The following ERCC1 variants were observed in gnomAD, a reference collection of about 807,000 sequenced individuals.
ERCC1 encodes DNA excision repair protein ERCC-1.
ERCC1 carries 36 observed loss-of-function variants against 37.6 expected under a neutral mutation model. That is an observed-to-expected ratio of 0.96 (90% CI 0.73 to 1.26). The LOEUF (loss-of-function observed/expected upper bound fraction) is 1.26. Among genes scored for constraint, ERCC1 ranks in the 50% most tolerant of loss-of-function variants. The probability of loss-of-function intolerance (pLI) is 0.00; values close to 1 mark genes in which losing one functional copy is unlikely to be tolerated. For missense variants in ERCC1, 349 were observed against 376.5 expected, an observed-to-expected ratio of 0.93 and a Z score of 0.60; for synonymous variants, 156 against 162.1, an observed-to-expected ratio of 0.96 and a Z score of 0.28.
chr19:45,415,432 C>T (rs1489964370), intron 6 of ERCC1, among the ~76,000 whole-genome samples: 1 of 150,416 alleles, frequency 6.6e-6, no homozygotes, highest in South Asian at 2.1e-4. Flanking sequence ...GTCAGGAGAT[C>T]GAGACCATCC....
At chr19:45,414,208 G>A (rs950484635) in intron 7 of ERCC1, 174 bp from the exon 8 acceptor site, 4 of 659,902 alleles carry the variant, frequency 6.1e-6, no homozygotes, top group Non-Finnish European at 1.1e-5. Flanking sequence ...GGGCGTGGTG[G>A]CTCATGCCTA....
chr19:45,446,597 G>A (rs149042135), intron 1 of ERCC1, among the ~76,000 whole-genome samples: 5 of 152,114 alleles, frequency 3.3e-5, no homozygotes, highest in East Asian at 1.9e-4. Flanking sequence ...CCACACACCC[G>A]AACATAACAC....
At chr19:45,412,319 CAACT>C (rs1217845497) in intron 9 of ERCC1, among the ~76,000 whole-genome samples, 3 of 151,824 alleles carry the variant, frequency 2.0e-5, no homozygotes, top group Non-Finnish European at 4.4e-5. Context: ...CCACCACACC[CAACT>C]AATTTTTATA....
intron 1 of ERCC1, among the ~76,000 whole-genome samples, chr19:45,448,966 T>C (rs1263978483): frequency 6.6e-6 from 1 of 152,142 alleles, no homozygotes; most frequent in African/African-American, 2.4e-5. Context: ...TAAATACGTT[T>C]ATATAACCTG....
chr19:45,417,730 C>T (rs765344657), intron 5 of ERCC1, among the ~76,000 whole-genome samples: 2 of 152,136 alleles, frequency 1.3e-5, no homozygotes, highest in Non-Finnish European at 2.9e-5. Flanking sequence ...GACGGAGTCT[C>T]GCTCTGTTGC....
intron 4 of ERCC1, among the ~76,000 whole-genome samples, chr19:45,419,692 C>A (rs984438881): frequency 6.6e-6 from 1 of 152,180 alleles, no homozygotes; most frequent in Non-Finnish European, 1.5e-5. Context: ...CTGTCTGGCC[C>A]TGTCTGCAGA....
intron 1 of ERCC1, among the ~76,000 whole-genome samples, chr19:45,438,297 G>A (rs1000883614): frequency 5.3e-5 from 8 of 151,980 alleles, no homozygotes; most frequent in African/African-American, 1.5e-4. Flanking sequence ...CCAACTCCTG[G>A]GCTCAAGCCA....
chr19:45,441,750 T>C (rs1446037111), intron 1 of ERCC1, among the ~76,000 whole-genome samples: 1 of 151,174 alleles, frequency 6.6e-6, no homozygotes, highest in East Asian at 2.0e-4. Flanking sequence ...GGATCTCGGC[T>C]CACTGCAACC....
At chr19:45,430,891 A>G (rs1262647076) in intron 1 of ERCC1, among the ~76,000 whole-genome samples, 1 of 151,964 alleles carries the variant, frequency 6.6e-6, no homozygotes, top group Non-Finnish European at 1.5e-5. Context: ...TGGGCAACAG[A>G]GCAAGACCTC....
chr19:45,421,321 A>C lies in ERCC1; in HGVS notation c.178T>G (p.Tyr60Asp). 1 of 1,614,072 alleles carries C rather than the reference A, an allele frequency of 6.2e-7. No homozygotes were observed. Among genetic ancestry groups the C allele is most frequent in the Non-Finnish European group, 8.5e-7 (1 of 1,180,022 alleles). Residue 60 changes from tyrosine to aspartate, a missense_variant, in exon 3 of 10, where the codon TAC (tyrosine) becomes GAC (aspartate). Tyr to Asp is a radical substitution (Grantham distance 160). Transcript: ENST00000300853. ...GGCTGTGAGATGGCATATTCGGCGT[A>C]GGTCTGAGGGGCCGCCTGGGCCGAG... Reference protein sequence around the residue: ...DTSAQAAPQTYAEYAISQPLE... With the variant: ...DTSAQAAPQTDAEYAISQPLE...
chr19:45,435,768 A>G (rs1305186306), intron 1 of ERCC1, among the ~76,000 whole-genome samples: 2 of 151,674 alleles, frequency 1.3e-5, no homozygotes, highest in East Asian at 1.9e-4. Context: ...CACATTCTGT[A>G]CTTTTTTTTT....
At chr19:45,413,808 G>C (rs1419862996) in intron 8 of ERCC1, 63 bp from the exon 9 acceptor site, 18 of 1,608,598 alleles carry the variant, frequency 1.1e-5, no homozygotes, top group Admixed American at 3.3e-5. Flanking sequence ...TCCCAGCTGA[G>C]GAGGGGCCTC....
chr19:45,415,635 CAAAA>C (rs913880423), intron 6 of ERCC1, among the ~76,000 whole-genome samples: 2 of 46,724 alleles, frequency 4.3e-5, no homozygotes, highest in African/African-American at 1.6e-4. Context: ...GACTCCGTCT[CAAAA>C]AAAAAAAAAA....
At chr19:45,419,778 G>C (rs1435344603) in intron 4 of ERCC1, among the ~76,000 whole-genome samples, 2 of 152,040 alleles carry the variant, frequency 1.3e-5, no homozygotes, top group African/African-American at 4.8e-5. Flanking sequence ...ATCAACTCCA[G>C]TCAAGGATGT....
chr19:45,417,860 T>C (rs1387419850), intron 5 of ERCC1, among the ~76,000 whole-genome samples: 1 of 151,984 alleles, frequency 6.6e-6, no homozygotes, highest in Non-Finnish European at 1.5e-5. Flanking sequence ...CCACCATATT[T>C]TTTGTATTTT....
intron 5 of ERCC1, among the ~76,000 whole-genome samples, chr19:45,417,574 G>C (rs761192972): frequency 1.1e-4 from 16 of 152,208 alleles, no homozygotes; most frequent in Non-Finnish European, 2.1e-4. Context: ...AATTCCATGA[G>C]GAGCATGGAA....
At chr19:45,417,029 A>T (rs1974109452) in intron 5 of ERCC1, 132 bp from the exon 6 acceptor site, 1 of 705,326 alleles carries the variant, frequency 1.4e-6, no homozygotes, top group Admixed American at 2.0e-5. Context: ...CCCGGGAGGC[A>T]GACGTTGCAG....
intron 1 of ERCC1, among the ~76,000 whole-genome samples, chr19:45,431,760 G>A (rs1053371725): frequency 3.3e-5 from 5 of 151,642 alleles, no homozygotes; most frequent in Non-Finnish European, 5.9e-5. Flanking sequence ...GCTTGGTGGC[G>A]CGTGCCTACG....
Position 45,423,889 on chromosome 19 carries a change from C to T in ERCC1, c.-116G>A, listed in dbSNP as rs1363496326. On this transcript the variant is annotated 5_prime_UTR_variant, in exon 1 of 10. Coordinates refer to ENST00000300853, the MANE Select transcript of ERCC1 (RefSeq NM_001983.4). ...CGAGGCGGCCCACTGCCAGCACGGC[C>T]AGCGTGGCCCAGGGCTCGCAGCACT... 4 of 1,106,076 alleles carry T rather than the reference C, an allele frequency of 3.6e-6. No homozygotes were observed. Among genetic ancestry groups the T allele is most frequent in the Non-Finnish European group, 4.4e-6 (4 of 901,844 alleles). 68.5% of individuals were successfully genotyped at this position (1,106,076 alleles called of 1,614,324 possible). A position where few individuals can be genotyped will look rare whatever the true frequency, so the allele number is the denominator to read the frequency against.
Sources: allele counts gnomAD v4.1 joint callset (sites outside exome capture counted in the v4.1 genomes callset), GRCh38; gene constraint gnomAD v4.1.1; transcripts MANE v1.5; gene names NCBI Gene and HGNC (gene_info 2026-07-23, HGNC 2026-07-21).